Variants in DENND5A observed in about 807,000 individuals in gnomAD.
The protein encoded by DENND5A is DENN domain containing 5A.
Under a neutral mutation model 140.3 loss-of-function variants are expected in DENND5A, and 64 were observed. That is an observed-to-expected ratio of 0.46 (90% CI 0.37 to 0.56). The LOEUF (loss-of-function observed/expected upper bound fraction) is 0.56. DENND5A is among the 20% of genes least tolerant of loss of function. DENND5A has a pLI of 0.00. For synonymous variants in DENND5A, 605 were observed against 607.7 expected (o/e 1.00, Z 0.07); for missense variants, 1,292 against 1,593.8 (o/e 0.81, Z 3.22).
chr11:9,144,352 C>T, intron 18 of DENND5A, 74 bp from the exon 19 acceptor site: 7 of 1,472,614 alleles, frequency 4.8e-6, no homozygotes, highest in Non-Finnish European at 6.6e-6. Context: ...ATCAACAAAG[C>T]CAATCCCTGG....
At chr11:9,174,299 A>G (rs1422805409) in intron 8 of DENND5A, among the ~76,000 whole-genome samples, 1 of 151,738 alleles carries the variant, frequency 6.6e-6, no homozygotes, top group Non-Finnish European at 1.5e-5. Context: ...TCAGTTAAAA[A>G]CCGGAAACTG....
intron 5 of DENND5A, among the ~76,000 whole-genome samples, chr11:9,190,245 G>T (rs1279439670): frequency 6.6e-6 from 1 of 152,112 alleles, no homozygotes; most frequent in East Asian, 1.9e-4. Context: ...ATAAGATTTT[G>T]GGGGACTGTT....
intron 1 of DENND5A, among the ~76,000 whole-genome samples, chr11:9,217,294 A>G (rs2136230172): frequency 1.3e-5 from 2 of 152,196 alleles, no homozygotes; most frequent in South Asian, 4.2e-4. Flanking sequence ...GCGGGTGATC[A>G]CCTGAGGTCA....
At chr11:9,198,609 C>T (rs74659434) in intron 4 of DENND5A, among the ~76,000 whole-genome samples, 1 of 132,088 alleles carries the variant, frequency 7.6e-6, no homozygotes, top group African/African-American at 2.9e-5. Flanking sequence ...GACTCCACCT[C>T]AAAAAAAAAA....
In DENND5A at chr11:9,160,690, ATGAGAGGCAAGACATAC is replaced by A. The variant is rs758305926; in HGVS notation, c.2436+6_2436+22del. 5 of 1,594,178 alleles carry A rather than the reference ATGAGAGGCAAGACATAC, an allele frequency of 3.1e-6. No homozygotes were observed. The South Asian group carries it at 5.6e-5, about 18-fold the overall frequency. ...AAACAGGAAGACAATTTGCTCAGCA[ATGAGAGGCAAGACATAC>A]ATTACCTGTTTCACTTGTAGTCCAT... On this transcript the variant is annotated splice_donor_region_variant and intron_variant, in intron 12 of 22. Coordinates refer to ENST00000328194, the MANE Select transcript of DENND5A (RefSeq NM_015213.4).
intron 1 of DENND5A, among the ~76,000 whole-genome samples, chr11:9,231,685 A>G (rs1035325272): frequency 1.4e-5 from 2 of 144,744 alleles, no homozygotes; most frequent in Admixed American, 1.4e-4. Flanking sequence ...ATTGCATTCC[A>G]GCCTGGGCAA....
At chr11:9,148,897 T>A (rs1214059232) in intron 15 of DENND5A, among the ~76,000 whole-genome samples, 1 of 152,130 alleles carries the variant, frequency 6.6e-6, no homozygotes, top group African/African-American at 2.4e-5. Flanking sequence ...GATCACCAAG[T>A]AAGAGAGCAA....
At chr11:9,263,091 C>A (rs1252091708) in intron 1 of DENND5A, among the ~76,000 whole-genome samples, 2 of 152,080 alleles carry the variant, frequency 1.3e-5, no homozygotes, top group African/African-American at 4.8e-5. Flanking sequence ...ACTACCCCGA[C>A]AAAAAGCCTA....
chr11:9,252,048 T>G (rs1025799940), intron 1 of DENND5A, among the ~76,000 whole-genome samples: 11 of 109,584 alleles, frequency 1.0e-4, no homozygotes, highest in African/African-American at 3.5e-4. Context: ...GCCTGTAATC[T>G]CAGCACTTTG....
At chr11:9,229,591 C>T (rs1403552262) in intron 1 of DENND5A, among the ~76,000 whole-genome samples, 1 of 151,992 alleles carries the variant, frequency 6.6e-6, no homozygotes, top group Non-Finnish European at 1.5e-5. Context: ...CAAACATATA[C>T]CTCTCCCCCA....
chr11:9,184,766 T>C (rs534261786), intron 5 of DENND5A, among the ~76,000 whole-genome samples: 2 of 152,262 alleles, frequency 1.3e-5, no homozygotes, highest in Non-Finnish European at 2.9e-5. Context: ...CATGTTTCTA[T>C]TGGATTGCTT....
At chr11:9,257,020 G>A (rs138798579) in intron 1 of DENND5A, among the ~76,000 whole-genome samples, 321 of 152,048 alleles carry the variant, frequency 2.1e-3, no homozygotes, top group African/African-American at 7.2e-3. Context: ...TCATGTCAAT[G>A]CTTCTTTTTC....
At chr11:9,208,507 AG>A (rs562255478) in intron 1 of DENND5A, among the ~76,000 whole-genome samples, 16 of 152,202 alleles carry the variant, frequency 1.1e-4, no homozygotes, top group African/African-American at 1.4e-4. Flanking sequence ...GCACCTCAAA[AG>A]TTTCTAAAAG....
chr11:9,238,709 C>T (rs751434507), intron 1 of DENND5A, among the ~76,000 whole-genome samples: 10 of 151,834 alleles, frequency 6.6e-5, no homozygotes, highest in Non-Finnish European at 1.3e-4. Context: ...CCACTGTGCC[C>T]GGCCCAAAAA....
chr11:9,211,969 G>C (rs1354866802), intron 1 of DENND5A, among the ~76,000 whole-genome samples: 2 of 148,282 alleles, frequency 1.3e-5, no homozygotes, highest in Non-Finnish European at 3.0e-5. Context: ...ACAGAGAACA[G>C]ACATTACAAT....
intron 5 of DENND5A, among the ~76,000 whole-genome samples, chr11:9,187,198 C>A (rs1848944301): frequency 6.6e-6 from 1 of 152,188 alleles, no homozygotes; most frequent in South Asian, 2.1e-4. Flanking sequence ...CATGCTGTTT[C>A]CTCCCATCAT....
At chr11:9,159,000 C>A (rs1189422240) in intron 12 of DENND5A, among the ~76,000 whole-genome samples, 2 of 152,172 alleles carry the variant, frequency 1.3e-5, no homozygotes, top group Non-Finnish European at 2.9e-5. Flanking sequence ...CATTAGTAGT[C>A]ACTTCCCATT....
chr11:9,152,526 A>AC lies in DENND5A; in HGVS notation c.2437-85_2437-84insG, dbSNP rs1181482096. The AC allele has an allele frequency of 5.5e-6, 5 of 902,320 alleles. No homozygotes were observed. The East Asian group carries it at 1.2e-4, about 22-fold the overall frequency. The allele number at this position is 902,320 out of a possible 1,614,324, so 55.9% of individuals were successfully genotyped here. A position where few individuals can be genotyped will look rare whatever the true frequency, so the allele number is the denominator to read the frequency against. On this transcript the variant is annotated intron_variant, in intron 12 of 22. Coordinates refer to ENST00000328194, the MANE Select transcript of DENND5A (RefSeq NM_015213.4). The stretch of plus-strand genomic sequence containing the variant: ...CAACATACAGATAGAAGCTTTTGCT[A>AC]AAAAAATATATGTACTGTTTCTTGT...
chr11:9,227,340 T>A (rs1274270712), intron 1 of DENND5A, among the ~76,000 whole-genome samples: 1 of 152,164 alleles, frequency 6.6e-6, no homozygotes, highest in African/African-American at 2.4e-5. Flanking sequence ...AATCCATCAC[T>A]TTTCTATTGA....
Sources: gnomAD v4.1 joint callset for allele counts (sites outside exome capture counted in the v4.1 genomes callset) on GRCh38, gnomAD v4.1.1 for gene constraint, MANE v1.5 for transcripts, NCBI Gene and HGNC (gene_info 2026-07-23, HGNC 2026-07-21) for gene names.